Variants in P2RX5 observed in about 807,000 individuals in gnomAD.
P2RX5 encodes purinergic receptor P2X 5, also known as P2X purinoceptor 5.
P2RX5 carries 46 observed loss-of-function variants against 54.1 expected under a neutral mutation model. That is an observed-to-expected ratio of 0.85 (90% CI 0.67 to 1.09). The LOEUF (loss-of-function observed/expected upper bound fraction) is 1.09. Among genes scored for constraint, P2RX5 ranks in the 50% least tolerant of loss-of-function variants. The probability of loss-of-function intolerance (pLI) is 0.00; values close to 1 mark genes in which losing one functional copy is unlikely to be tolerated. For synonymous variants in P2RX5, 226 were observed against 226.4 expected (o/e 1.00, Z 0.02); for missense variants, 566 against 549.8 (o/e 1.03, Z -0.29).
At chr17:3,685,089 G>A (rs559091569) in intron 9 of P2RX5, among the ~76,000 whole-genome samples, 49 of 151,984 alleles carry the variant, frequency 3.2e-4, no homozygotes, top group Middle Eastern at 3.4e-3. Flanking sequence ...CAGGTGATCC[G>A]CCACCTCACC....
Position 3,688,644 on chromosome 17 carries a change from G to A in P2RX5, c.869C>T (p.Ser290Phe). Residue 290 changes from serine to phenylalanine, a missense_variant, in exon 8 of 12, where the codon TCC becomes TTC. Coordinates refer to ENST00000225328, the MANE Select transcript of P2RX5 (RefSeq NM_002561.4). ...RLDNKLSKSV[S>F]SGYNFRFARY... is the part of the protein sequence containing the mutation. ...CGGTTACCTGAAGTTGTACCCGGAG[G>A]AGACAGACTTTGAAAGTTTATTGTC... 1.2e-6 allele frequency: 2 copies of A among 1,614,130 alleles called. No individual in the cohort carries two copies. The highest frequency in any genetic ancestry group is 1.7e-6 in the Non-Finnish European group (2 of 1,180,016).
In P2RX5 at chr17:3,678,285, G is replaced by A. The variant is rs531625237; in HGVS notation, c.1259+1305C>T. On this transcript the variant is annotated intron_variant, in intron 11 of 11. Transcript: ENST00000225328. ...GAGCACAGCCTGCCAGGGTTCCTGC[G>A]GAAGCCCAGCACGCATAGATGCTCA... 8 of 171,128 alleles carry A rather than the reference G, an allele frequency of 4.7e-5. No individual in the cohort carries two copies. In the South Asian group the frequency reaches 5.9e-4, roughly 13 times the overall value. The allele number at this position is 171,128 out of a possible 1,614,324, so 10.6% of individuals were successfully genotyped here.
At chr17:3,699,350 T>G (rs898069515), upstream of P2RX5, among the ~76,000 whole-genome samples, 3 of 151,752 alleles carry the variant, frequency 2.0e-5, no homozygotes, top group African/African-American at 7.3e-5. Context: ...GAGCCATTAT[T>G]GCACCACTGC....
chr17:3,716,082 G>C, the P2RX5 span, among the ~76,000 whole-genome samples: 3 of 151,858 alleles, frequency 2.0e-5, no homozygotes, highest in African/African-American at 7.3e-5. Context: ...TCTTGAACCC[G>C]GGGTCAGGGT....
chr17:3,709,853 A>G, the P2RX5 span, among the ~76,000 whole-genome samples: 52 of 151,956 alleles, frequency 3.4e-4, no homozygotes, highest in African/African-American at 1.1e-3. Context: ...AGTTTGCAGT[A>G]AGCCGAGATC....
At chr17:3,702,436 A>G in the P2RX5 span, among the ~76,000 whole-genome samples, 45 of 152,286 alleles carry the variant, frequency 3.0e-4, no homozygotes, top group Non-Finnish European at 5.6e-4. Context: ...AAATAATGGA[A>G]TAAAAGCTGG....
intron 10 of P2RX5, 22 bp downstream of exon 10, chr17:3,681,874 C>A (rs2050293706): frequency 6.3e-7 from 1 of 1,577,746 alleles, no homozygotes. Flanking sequence ...CCTCGGGCCG[C>A]CGGCCTGGAA....
chr17:3,707,231 T>C, the P2RX5 span, among the ~76,000 whole-genome samples: 5 of 152,310 alleles, frequency 3.3e-5, no homozygotes, highest in African/African-American at 9.6e-5. Context: ...GTGTTCACTG[T>C]AGAATTCGAC....
At chr17:3,681,160 C>T (rs543051335) in intron 10 of P2RX5, among the ~76,000 whole-genome samples, 65 of 152,340 alleles carry the variant, frequency 4.3e-4, no homozygotes, top group African/African-American at 1.5e-3. Flanking sequence ...AGGGTCAGGG[C>T]GCACGGCTAT....
At chr17:3,685,280 GC>G (rs1420648535) in intron 9 of P2RX5, among the ~76,000 whole-genome samples, 1 of 152,192 alleles carries the variant, frequency 6.6e-6, no homozygotes, top group Non-Finnish European at 1.5e-5. Flanking sequence ...AGAGCTACCA[GC>G]ACATGCCTCC....
chr17:3,690,576 T>C, intron 4 of P2RX5, 29 bp downstream of exon 4: 1 of 1,613,010 alleles, frequency 6.2e-7, no homozygotes, highest in East Asian at 2.2e-5. Flanking sequence ...CGAGTCCTCC[T>C]TCAGCCCGTG....
intron 1 of P2RX5, 66 bp from the exon 2 acceptor site, chr17:3,691,860 C>A (rs767478810): frequency 1.9e-6 from 3 of 1,568,534 alleles, no homozygotes; most frequent in Non-Finnish European, 2.6e-6. Context: ...TTCCCCAGGC[C>A]TTGGGGTGGG....
the P2RX5 span, among the ~76,000 whole-genome samples, chr17:3,704,537 A>G: frequency 0.51 from 77,253 of 152,000 alleles, 21,539 homozygotes; most frequent in South Asian, 0.69. Flanking sequence ...AAGGCAGGAC[A>G]CTCCTCTCTG....
the P2RX5 span, chr17:3,716,873 G>C: frequency 1.2e-6 from 1 of 842,122 alleles, no homozygotes; most frequent in Non-Finnish European, 2.0e-6. Flanking sequence ...TTATTTTAAG[G>C]AGCAAAATAC....
the P2RX5 span, among the ~76,000 whole-genome samples, chr17:3,719,691 C>T: frequency 6.6e-6 from 1 of 152,022 alleles, no homozygotes; most frequent in Non-Finnish European, 1.5e-5. Context: ...TTACTGGATA[C>T]AAAAAACAAT....
At position 3,681,921 on chromosome 17, in the gene P2RX5, G is replaced by T; in HGVS notation, c.1039C>A (p.Arg347Ser). The T allele has an allele frequency of 1.9e-6, 3 of 1,613,598 alleles. No homozygotes were observed. The highest frequency in any genetic ancestry group is 4.5e-5 in the East Asian group (2 of 44,894). ...CTCACTTCCTCGTACTTCTTGTCAC[G>T]GTAAAACTCTCTCTTTTTGATGAGG... is the stretch of plus-strand genomic sequence containing the variant. ...IYLIKKREFYRDKKYEEVRGL... is the reference protein window; with the variant it reads ...IYLIKKREFYSDKKYEEVRGL... Residue 347 changes from arginine (R) to serine (S), a missense_variant, in exon 10 of 12, where the codon CGT becomes AGT. Arg to Ser is a moderately radical substitution (Grantham distance 110, BLOSUM62 -1). Transcript: ENST00000225328.
the P2RX5 span, among the ~76,000 whole-genome samples, chr17:3,720,838 C>T: frequency 6.6e-6 from 1 of 152,182 alleles, no homozygotes; most frequent in African/African-American, 2.4e-5. Context: ...CCACCTCGGC[C>T]TCCCAAAGTG....
chr17:3,716,336 C>T, the P2RX5 span, among the ~76,000 whole-genome samples: 19,613 of 152,092 alleles, frequency 0.13, 4,219 homozygotes, highest in African/African-American at 0.45. Flanking sequence ...AAGGCCTTAC[C>T]GTTAAGGCCT....
At chr17:3,698,043 ATT>A (rs894303606), upstream of P2RX5, among the ~76,000 whole-genome samples, 1 of 146,178 alleles carries the variant, frequency 6.8e-6, no homozygotes. Flanking sequence ...CCTGGCCCTG[ATT>A]TTTTTTTTTT....
Sources: allele counts gnomAD v4.1 joint callset (sites outside exome capture counted in the v4.1 genomes callset), GRCh38; gene constraint gnomAD v4.1.1; transcripts MANE v1.5; gene names NCBI Gene and HGNC (gene_info 2026-07-23, HGNC 2026-07-21).